MYH7B: variants seen among roughly 807,000 people sequenced by gnomAD.
The protein encoded by MYH7B is myosin-7B.
A neutral mutation model predicts 234.5 loss-of-function variants in MYH7B; 205 were observed. That is an observed-to-expected ratio of 0.87 (90% confidence interval 0.78 to 0.98). The LOEUF (loss-of-function observed/expected upper bound fraction) is 0.98, where lower values mean the gene tolerates loss of function less well. MYH7B is among the 50% of genes least tolerant of loss of function. MYH7B has a pLI of 0.00. For missense variants in MYH7B, 2,652 were observed against 2,633.4 expected (o/e 1.01, Z -0.15); for synonymous variants, 1,193 against 1,105.0 (o/e 1.08, Z -1.58).
chr20:34,979,933 T>G, intron 7 of MYH7B, 129 bp downstream of exon 7: 1 of 999,306 alleles, frequency 1.0e-6, no homozygotes, highest in Non-Finnish European at 1.4e-6. Flanking sequence ...CTGTGAATGA[T>G]AGAGCGGGTC....
chr20:34,967,089 C>T lies in MYH7B; in HGVS notation c.-221-8311C>T, dbSNP rs1047551431. On this transcript the variant is annotated intron_variant, in intron 2 of 44. Coordinates refer to ENST00000262873, the Ensembl canonical transcript of MYH7B. ...ACTAAAAATATGAAAATTAGCTGGG[C>T]ATGGTGGCGCGCACCTGTAGTCCCA... Among the ~76,000 whole-genome samples, 9 of 151,708 alleles carry T rather than the reference C, an allele frequency of 5.9e-5. No individual in the cohort carries two copies. The South Asian group carries it at 1.9e-3, about 32-fold the overall frequency.
chr20:34,964,051 A>G (rs2081721794), intron 2 of MYH7B, among the ~76,000 whole-genome samples: 1 of 152,098 alleles, frequency 6.6e-6, no homozygotes, highest in African/African-American at 2.4e-5. Context: ...CTAGTATTTT[A>G]TTACTATATA....
At chr20:34,995,612 G>A (rs1334178455) in intron 28 of MYH7B, 34 bp downstream of exon 28, 8 of 1,609,004 alleles carry the variant, frequency 5.0e-6, no homozygotes, top group South Asian at 1.1e-5. Flanking sequence ...GAAGGGCCCT[G>A]AGCCAGGGGC....
intron 2 of MYH7B, among the ~76,000 whole-genome samples, chr20:34,968,678 G>A (rs2081765087): frequency 6.6e-6 from 1 of 152,326 alleles, no homozygotes; most frequent in East Asian, 1.9e-4. Flanking sequence ...GTGACCCCTG[G>A]GGGTACATCT....
intron 20 of MYH7B, 44 bp from the exon 21 acceptor site, chr20:34,989,970 T>G: frequency 6.2e-7 from 1 of 1,613,300 alleles, no homozygotes; most frequent in East Asian, 2.2e-5. Context: ...CCCGCCCTGC[T>G]CCAGGTCTCC....
At chr20:34,974,797 T>G (rs979021843) in intron 2 of MYH7B, among the ~76,000 whole-genome samples, 3 of 152,206 alleles carry the variant, frequency 2.0e-5, no homozygotes, top group Non-Finnish European at 4.4e-5. Context: ...TCTATCAGGT[T>G]TGGTTCGTTC....
chr20:34,996,509 A>G (rs2082261238), exon 29 of MYH7B: 1 of 1,610,906 alleles, frequency 6.2e-7, no homozygotes, highest in Admixed American at 1.7e-5. Context: ...CGGCTGGAGC[A>G]ACAGGTGGAG....
intron 21 of MYH7B, 43 bp downstream of exon 21, chr20:34,990,189 C>G (rs2082115693): frequency 1.2e-6 from 2 of 1,614,136 alleles, no homozygotes; most frequent in East Asian, 2.2e-5. Context: ...CAGGGGCCCA[C>G]AGAGCGACAT....
rs374221267 is a variant in MYH7B at position 34,997,333 on chromosome 20, C to T, written c.3440C>T (p.Ala1147Val). ...GTGGAGAAGCAGCGTGCAGAGGCGG[C>T]GCGGGAGCTGGAGGAGCTGAGCGAG... The change falls in exon 32 of 45, where the codon GCG becomes GTG. Residue 1147 changes from alanine to valine, a missense_variant. By Grantham distance (64) the Ala-to-Val change is moderately conservative. Coordinates refer to ENST00000262873, the Ensembl canonical transcript of MYH7B. 865 of 1,545,672 alleles carry T rather than the reference C, an allele frequency of 5.6e-4. 7 individuals carry two copies. The Middle Eastern group carries it at 7.0e-3, about 13-fold the overall frequency.
At chr20:34,956,987 G>C (rs1239580534) in intron 1 of MYH7B, among the ~76,000 whole-genome samples, 1 of 152,232 alleles carries the variant, frequency 6.6e-6, no homozygotes, top group Non-Finnish European at 1.5e-5. Context: ...CCCGGAGACG[G>C]AGGCTGCTGT....
intron 43 of MYH7B, 22 bp from the exon 44 acceptor site, chr20:35,001,926 A>C: frequency 6.2e-7 from 1 of 1,607,854 alleles, no homozygotes; most frequent in South Asian, 1.1e-5. Flanking sequence ...AAGCGGAACC[A>C]AGGCCCTGTG....
In MYH7B at chr20:34,996,254, T is replaced by G. The variant is rs1253906882; in HGVS notation, c.2944-92T>G. 7 of 1,426,078 alleles carry G rather than the reference T, an allele frequency of 4.9e-6. No individual in the cohort carries two copies. The African/African-American group carries it at 8.7e-5, about 18-fold the overall frequency. The allele number at this position is 1,426,078 out of a possible 1,614,324, so 88.3% of individuals were successfully genotyped here. A position where few individuals can be genotyped will look rare whatever the true frequency, so the allele number is the denominator to read the frequency against. Reference sequence around the variant, plus strand: ...AAGTGACTTGCCTGAGTCCCATAGCTGGAAGGGGCACTTGCTCTGACCTGG... The same window carrying G: ...AAGTGACTTGCCTGAGTCCCATAGCGGGAAGGGGCACTTGCTCTGACCTGG... On this transcript the variant is annotated intron_variant, in intron 28 of 44. Coordinates refer to ENST00000262873, the Ensembl canonical transcript of MYH7B.
chr20:34,961,647 A>G (rs1163154133), intron 2 of MYH7B, among the ~76,000 whole-genome samples: 11 of 152,210 alleles, frequency 7.2e-5, no homozygotes, highest in Non-Finnish European at 1.5e-5. Context: ...TAGATACTCC[A>G]CAATTCTCCT....
intron 2 of MYH7B, among the ~76,000 whole-genome samples, chr20:34,973,617 C>T (rs943175846): frequency 6.6e-6 from 1 of 152,206 alleles, no homozygotes; most frequent in African/African-American, 2.4e-5. Context: ...CAGCCTCTCC[C>T]GCTGCTGATG....
chr20:35,001,111 G>A (rs2082369245), exon 41 of MYH7B: 1 of 1,613,886 alleles, frequency 6.2e-7, no homozygotes, highest in African/African-American at 1.3e-5. Context: ...GGCAGAACAG[G>A]CCGCCCTCCG....
chr20:34,990,403 G>A (rs557768162), intron 22 of MYH7B, 93 bp downstream of exon 22: 19 of 1,389,350 alleles, frequency 1.4e-5, no homozygotes, highest in Admixed American at 3.3e-5. Context: ...TTGGGCGGGC[G>A]GCTGTTAAGA....
intron 13 of MYH7B, among the ~76,000 whole-genome samples, chr20:34,985,801 G>T (rs139491897): frequency 1.4e-4 from 22 of 152,026 alleles, no homozygotes; most frequent in African/African-American, 3.6e-4. Flanking sequence ...GGCCACACAC[G>T]CACACACGCT....
intron 8 of MYH7B, 80 bp from the exon 9 acceptor site, chr20:34,980,953 C>A: frequency 6.3e-7 from 1 of 1,596,758 alleles, no homozygotes; most frequent in Non-Finnish European, 8.6e-7. Context: ...GGGTCTGCCC[C>A]AGATGGATAC....
exon 40 of MYH7B, chr20:35,000,791 G>C: frequency 1.2e-6 from 2 of 1,613,816 alleles, no homozygotes; most frequent in Non-Finnish European, 8.5e-7. Context: ...TAAACCAGAA[G>C]AAGAAGCTGG....
Sources: gnomAD v4.1 joint callset for allele counts (sites outside exome capture counted in the v4.1 genomes callset) on GRCh38, gnomAD v4.1.1 for gene constraint, MANE v1.5 for transcripts, NCBI Gene and HGNC (gene_info 2026-07-23, HGNC 2026-07-21) for gene names.